Variants in TEC observed in about 807,000 individuals in gnomAD.
TEC encodes the protein tyrosine-protein kinase Tec.
In TEC, 72 loss-of-function variants were observed where a neutral mutation model predicts 93.0. That is an observed-to-expected ratio of 0.77 (90% CI 0.64 to 0.94). The LOEUF (loss-of-function observed/expected upper bound fraction) is 0.94, where lower values mean the gene tolerates loss of function less well. Ranked by LOEUF, TEC falls within the 40% of genes least tolerant of loss-of-function variation. The pLI is 0.00. For missense variants in TEC, 630 were observed against 757.9 expected (o/e 0.83, Z 1.98); for synonymous variants, 249 against 247.7 (o/e 1.01, Z -0.05).
intron 1 of TEC, among the ~76,000 whole-genome samples, chr4:48,249,139 A>G (rs1010759014): frequency 2.0e-5 from 3 of 152,192 alleles, no homozygotes; most frequent in African/African-American, 7.2e-5. Flanking sequence ...CATAAAAGAT[A>G]ATGAAAGATA....
At chr4:48,146,525 T>C (rs528620776) in intron 11 of TEC, 126 bp from the exon 12 acceptor site, 14 of 773,220 alleles carry the variant, frequency 1.8e-5, no homozygotes, top group Non-Finnish European at 2.8e-5. Flanking sequence ...TGTGTGTACA[T>C]ACAGCACTCT....
chr4:48,170,121 C>T (rs1165647164), intron 5 of TEC, 127 bp downstream of exon 5: 2 of 705,776 alleles, frequency 2.8e-6, no homozygotes, highest in Non-Finnish European at 4.4e-6. Flanking sequence ...ACAAAACACA[C>T]CTACCCTACA....
At chr4:48,251,963 G>C (rs1724216608) in intron 1 of TEC, among the ~76,000 whole-genome samples, 1 of 152,118 alleles carries the variant, frequency 6.6e-6, no homozygotes. Context: ...AGACGAAGAA[G>C]CAAGGCAAGC....
chr4:48,157,289 G>A (rs967582817), intron 8 of TEC, among the ~76,000 whole-genome samples: 1 of 152,110 alleles, frequency 6.6e-6, no homozygotes, highest in East Asian at 1.9e-4. Flanking sequence ...TCATAATGGA[G>A]GCTCCCTCAA....
At chr4:48,180,893 C>T (rs1234804876) in intron 2 of TEC, among the ~76,000 whole-genome samples, 1 of 152,138 alleles carries the variant, frequency 6.6e-6, no homozygotes, top group Non-Finnish European at 1.5e-5. Context: ...GGCTGGGCAA[C>T]TGCCGTAATA....
chr4:48,161,631 A>AT (rs1720665577), intron 8 of TEC, among the ~76,000 whole-genome samples: 1 of 142,370 alleles, frequency 7.0e-6, no homozygotes, highest in Admixed American at 7.3e-5. Context: ...ACTTGAGAAC[A>AT]TTTAAGTTGT....
At chr4:48,204,570 C>T (rs1338617553) in intron 2 of TEC, among the ~76,000 whole-genome samples, 1 of 152,188 alleles carries the variant, frequency 6.6e-6, no homozygotes, top group Admixed American at 6.5e-5. Context: ...CATAAGTCAG[C>T]AATCTGCAAC....
At chr4:48,179,765 G>T (rs1721513042) in intron 2 of TEC, among the ~76,000 whole-genome samples, 1 of 152,196 alleles carries the variant, frequency 6.6e-6, no homozygotes, top group South Asian at 2.1e-4. Context: ...TCAGTGAAAT[G>T]AACAGTAGAT....
intron 14 of TEC, among the ~76,000 whole-genome samples, chr4:48,144,640 G>A (rs1055395765): frequency 6.6e-6 from 1 of 152,144 alleles, no homozygotes; most frequent in African/African-American, 2.4e-5. Context: ...AAAATCCAAA[G>A]GATTTCTCTT....
intron 1 of TEC, among the ~76,000 whole-genome samples, chr4:48,251,367 C>T (rs1724193079): frequency 6.6e-6 from 1 of 152,118 alleles, no homozygotes; most frequent in African/African-American, 2.4e-5. Flanking sequence ...CTTCTTATAA[C>T]TCAAATTTTA....
At chr4:48,201,318 G>C (rs997677187) in intron 2 of TEC, among the ~76,000 whole-genome samples, 2 of 152,280 alleles carry the variant, frequency 1.3e-5, no homozygotes, top group African/African-American at 4.8e-5. Context: ...ATACCTGTGA[G>C]AACTCAGACC....
At chr4:48,231,485 G>A (rs956353019) in intron 1 of TEC, among the ~76,000 whole-genome samples, 4 of 152,150 alleles carry the variant, frequency 2.6e-5, no homozygotes, top group Non-Finnish European at 4.4e-5. Context: ...GGCCGGGCAC[G>A]GTGGCTCACG....
rs528149657 is a variant in TEC at position 48,232,212 on chromosome 4, C to T, written c.-45-3553G>A. On this transcript the variant is annotated intron_variant, in intron 1 of 17. Coordinates refer to ENST00000381501, the MANE Select transcript of TEC (RefSeq NM_003215.3). ...GCTGAGGCAGGAGAATCGTTTGAAC[C>T]GGGGAGGCAGAAGCTGCAGTGAGCA... 4.6e-5 allele frequency among the ~76,000 whole-genome samples: 7 copies of T among 151,718 alleles called. No homozygotes were observed. The East Asian group carries it at 7.8e-4, about 17-fold the overall frequency.
chr4:48,172,792 G>A (rs1721169332), intron 3 of TEC, among the ~76,000 whole-genome samples: 1 of 152,158 alleles, frequency 6.6e-6, no homozygotes, highest in Non-Finnish European at 1.5e-5. Flanking sequence ...TGCTAAAGGA[G>A]ATGTGAAGAG....
chr4:48,234,165 G>T (rs1350220316), intron 1 of TEC, among the ~76,000 whole-genome samples: 2 of 152,142 alleles, frequency 1.3e-5, no homozygotes, highest in Admixed American at 6.5e-5. Flanking sequence ...GAAAGAAAGT[G>T]ATTTCTAATC....
At chr4:48,210,902 C>A (rs1252267073) in intron 2 of TEC, among the ~76,000 whole-genome samples, 3 of 152,156 alleles carry the variant, frequency 2.0e-5, no homozygotes, top group Non-Finnish European at 4.4e-5. Context: ...CATGTAAAGA[C>A]ACAATGGGCA....
At chr4:48,222,506 G>A (rs1177905986) in intron 2 of TEC, among the ~76,000 whole-genome samples, 1 of 151,662 alleles carries the variant, frequency 6.6e-6, no homozygotes, top group East Asian at 1.9e-4. Flanking sequence ...TGGGCCATGG[G>A]GTACCCAGAT....
rs947434501 is a variant in TEC at position 48,238,711 on chromosome 4, T to G, written c.-45-10052A>C. Among the ~76,000 whole-genome samples the G allele has an allele frequency of 1.6e-3, 190 of 117,198 alleles. 1 individual carries two copies. Among genetic ancestry groups the G allele is most frequent in the African/African-American group, 6.8e-3 (185 of 27,366 alleles). 76.9% of individuals were successfully genotyped at this position (117,198 alleles called of 152,430 possible). On this transcript the variant is annotated intron_variant, in intron 1 of 17. Coordinates refer to ENST00000381501, the MANE Select transcript of TEC (RefSeq NM_003215.3). Reference sequence around the variant, plus strand: ...ATATGTATATAAATTTATATATTTATATGTATTTATATATTTATATTTCCC... The same window carrying G: ...ATATGTATATAAATTTATATATTTAGATGTATTTATATATTTATATTTCCC...
intron 17 of TEC, 55 bp downstream of exon 17, chr4:48,138,610 C>G: frequency 6.5e-7 from 1 of 1,538,790 alleles, no homozygotes. Context: ...TGTTATCCAT[C>G]TACCAAGCCC....
Sources: gnomAD v4.1 joint callset for allele counts (sites outside exome capture counted in the v4.1 genomes callset) on GRCh38, gnomAD v4.1.1 for gene constraint, MANE v1.5 for transcripts, NCBI Gene and HGNC (gene_info 2026-07-23, HGNC 2026-07-21) for gene names.